Variants in EXOC6 observed in about 807,000 individuals in gnomAD.
EXOC6 encodes the protein exocyst complex component 6.
Under a neutral mutation model 112.5 loss-of-function variants are expected in EXOC6, and 60 were observed. The observed-to-expected ratio is 0.53, with a 90% CI of 0.43 to 0.66. The LOEUF (loss-of-function observed/expected upper bound fraction) is 0.66. Ranked by LOEUF, EXOC6 falls within the 30% of genes least tolerant of loss-of-function variation. The probability of loss-of-function intolerance (pLI) is 0.00; values close to 1 mark genes in which losing one functional copy is unlikely to be tolerated. For missense variants in EXOC6, 855 were observed against 957.1 expected (o/e 0.89, Z 1.41); for synonymous variants, 295 against 308.0 (o/e 0.96, Z 0.44).
chr10:93,052,352 T>C (rs945905827), intron 20 of EXOC6, among the ~76,000 whole-genome samples: 4 of 152,152 alleles, frequency 2.6e-5, no homozygotes, highest in Admixed American at 2.6e-4. Context: ...GCTAAATGGG[T>C]TGACACAAAT....
upstream of EXOC6, among the ~76,000 whole-genome samples, chr10:92,830,961 G>T (rs1420941398): frequency 6.6e-6 from 1 of 152,140 alleles, no homozygotes; most frequent in Non-Finnish European, 1.5e-5. Context: ...TGAATTTGTT[G>T]TTAGCACTAT....
chr10:93,041,974 G>A (rs1346708936), intron 20 of EXOC6, among the ~76,000 whole-genome samples: 1 of 152,226 alleles, frequency 6.6e-6, no homozygotes, highest in Non-Finnish European at 1.5e-5. Flanking sequence ...GCCTGTCAAA[G>A]TGCTGGTATT....
chr10:93,034,264 G>A lies in EXOC6; in HGVS notation c.2169+19997G>A, dbSNP rs1263527169. Among the ~76,000 whole-genome samples the A allele has an allele frequency of 2.6e-5, 4 of 152,156 alleles. No homozygotes were observed. The South Asian group carries it at 6.2e-4, about 24-fold the overall frequency. ...AACACTTCAACAGGGCAGTGGCATC[G>A]CTATGCCAGGTTCATATCATAGGTG... On this transcript the variant is annotated intron_variant, in intron 20 of 21. Transcript: ENST00000260762.
chr10:93,019,479 T>C (rs1844685328), intron 20 of EXOC6, among the ~76,000 whole-genome samples: 1 of 152,190 alleles, frequency 6.6e-6, no homozygotes, highest in African/African-American at 2.4e-5. Context: ...TCCATAAATA[T>C]TCTAGTTTTA....
intron 16 of EXOC6, among the ~76,000 whole-genome samples, 196 bp from the exon 17 acceptor site, chr10:92,955,384 G>A (rs536690988): frequency 0.011 from 1,637 of 149,292 alleles, 16 homozygotes; most frequent in Non-Finnish European, 0.016. Context: ...GTGTGTGTGT[G>A]TGTGTATATA....
intron 8 of EXOC6, among the ~76,000 whole-genome samples, chr10:92,925,878 A>T (rs1193994357): frequency 6.6e-6 from 1 of 151,944 alleles, no homozygotes; most frequent in Non-Finnish European, 1.5e-5. Flanking sequence ...GCCTAGGCTG[A>T]TCATGAACTC....
intron 18 of EXOC6, among the ~76,000 whole-genome samples, chr10:92,990,764 A>G (rs946429703): frequency 6.6e-6 from 1 of 152,050 alleles, no homozygotes; most frequent in Non-Finnish European, 1.5e-5. Flanking sequence ...GTTTATCCCA[A>G]TGCTCTCCCT....
At chr10:92,958,622 C>T (rs562905056) in intron 17 of EXOC6, among the ~76,000 whole-genome samples, 3 of 152,278 alleles carry the variant, frequency 2.0e-5, no homozygotes, top group African/African-American at 7.2e-5. Context: ...CAGTTCTTCC[C>T]AACTTGATCT....
At chr10:93,018,200 A>C (rs1844629615) in intron 20 of EXOC6, among the ~76,000 whole-genome samples, 1 of 151,884 alleles carries the variant, frequency 6.6e-6, no homozygotes, top group African/African-American at 2.4e-5. Context: ...ACCAGTTATA[A>C]AAAAAAGGGA....
intron 17 of EXOC6, among the ~76,000 whole-genome samples, chr10:92,960,871 G>T (rs936035415): frequency 6.6e-6 from 1 of 152,050 alleles, no homozygotes; most frequent in Non-Finnish European, 1.5e-5. Flanking sequence ...TATTTATTTT[G>T]AATTCAATAT....
intron 18 of EXOC6, among the ~76,000 whole-genome samples, chr10:92,981,886 G>T (rs1353742864): frequency 6.6e-6 from 1 of 152,212 alleles, no homozygotes; most frequent in Non-Finnish European, 1.5e-5. Flanking sequence ...GGGAGGCCGA[G>T]TTGGGCAGAT....
chr10:93,058,576 T>C lies in EXOC6; in HGVS notation c.*221T>C, dbSNP rs1326963056. The C allele has an allele frequency of 5.8e-6, 2 of 344,580 alleles. No homozygotes were observed. Among genetic ancestry groups the C allele is most frequent in the East Asian group, 9.4e-5 (2 of 21,390 alleles). The allele number at this position is 344,580 out of a possible 1,614,324, so 21.3% of individuals were successfully genotyped here. A position where few individuals can be genotyped will look rare whatever the true frequency, so the allele number is the denominator to read the frequency against. ...GGAAAAAAATGACCATTTTTTCACT[T>C]TTAGGGGAAAATGCAAAAGTGTAAT... On this transcript the variant is annotated 3_prime_UTR_variant, in exon 22 of 22. Transcript: ENST00000260762.
chr10:92,832,109 T>C (rs183154555), upstream of EXOC6, among the ~76,000 whole-genome samples: 3 of 152,240 alleles, frequency 2.0e-5, no homozygotes, highest in Non-Finnish European at 4.4e-5. Flanking sequence ...TTTCTCATCA[T>C]GTATTTATGT....
chr10:92,973,715 C>CT (rs1842386717), intron 17 of EXOC6, among the ~76,000 whole-genome samples: 1 of 152,172 alleles, frequency 6.6e-6, no homozygotes, highest in Admixed American at 6.5e-5. Flanking sequence ...AGGTGGTCTT[C>CT]TGTGTTCTTG....
intron 20 of EXOC6, among the ~76,000 whole-genome samples, chr10:93,042,723 T>C (rs1349158887): frequency 6.6e-6 from 1 of 152,192 alleles, no homozygotes; most frequent in Non-Finnish European, 1.5e-5. Flanking sequence ...TACTTTGTTA[T>C]GGTAACCCAA....
intron 1 of EXOC6, among the ~76,000 whole-genome samples, chr10:92,859,325 G>A (rs1847785135): frequency 6.6e-6 from 1 of 152,080 alleles, no homozygotes; most frequent in Admixed American, 6.6e-5. Context: ...GTGCAATCCT[G>A]GCATATACGC....
At chr10:92,844,710 A>G (rs1373806310), upstream of EXOC6, among the ~76,000 whole-genome samples, 3 of 152,354 alleles carry the variant, frequency 2.0e-5, no homozygotes, top group South Asian at 2.1e-4. Flanking sequence ...CTAGTCGCCA[A>G]TGCTAATGTT....
exon 1 of EXOC6, chr10:92,834,782 C>A: frequency 6.2e-7 from 1 of 1,610,256 alleles, no homozygotes; most frequent in Non-Finnish European, 8.5e-7. Flanking sequence ...AATGTCCTGG[C>A]TGAGATTCAG....
At chr10:92,918,513 CA>C (rs1334477247) in intron 7 of EXOC6, among the ~76,000 whole-genome samples, 3 of 151,456 alleles carry the variant, frequency 2.0e-5, no homozygotes, top group Non-Finnish European at 4.4e-5. Flanking sequence ...CTCTTATGTT[CA>C]AATGCTCCTC....
Sources: allele counts gnomAD v4.1 joint callset (sites outside exome capture counted in the v4.1 genomes callset), GRCh38; gene constraint gnomAD v4.1.1; transcripts MANE v1.5; gene names NCBI Gene and HGNC (gene_info 2026-07-23, HGNC 2026-07-21).